SFMBT2: variants seen among roughly 807,000 people sequenced by gnomAD.
SFMBT2 encodes the protein Scm like with four mbt domains 2.
A neutral mutation model predicts 110.1 loss-of-function variants in SFMBT2; 38 were observed. That is an observed-to-expected ratio of 0.35 (90% CI 0.27 to 0.45). SFMBT2 has a LOEUF of 0.45. Ranked by LOEUF, SFMBT2 falls within the 20% of genes least tolerant of loss-of-function variation. The pLI, the probability that SFMBT2 is intolerant of heterozygous loss-of-function variation, is 1.00. For synonymous variants in SFMBT2, 425 were observed against 425.4 expected (o/e 1.00, Z 0.01); for missense variants, 1,011 against 1,094.9 (o/e 0.92, Z 1.08).
intron 4 of SFMBT2, among the ~76,000 whole-genome samples, chr10:7,315,805 C>T (rs1301380633): frequency 2.0e-5 from 3 of 152,208 alleles, no homozygotes; most frequent in Admixed American, 6.5e-5. Context: ...CTCTGATCCT[C>T]GGTTTCCACA....
At chr10:7,280,714 G>A (rs1449718502) in intron 6 of SFMBT2, among the ~76,000 whole-genome samples, 1 of 152,132 alleles carries the variant, frequency 6.6e-6, no homozygotes, top group African/African-American at 2.4e-5. Flanking sequence ...TTATCCCCAT[G>A]GTACAGGGTA....
At chr10:7,354,049 T>C (rs1022310164) in intron 4 of SFMBT2, among the ~76,000 whole-genome samples, 8 of 149,030 alleles carry the variant, frequency 5.4e-5, no homozygotes, top group Non-Finnish European at 7.4e-5. Context: ...ATCACGCTAC[T>C]GCACTCCAGC....
chr10:7,332,036 AAG>A (rs142886678), intron 4 of SFMBT2, among the ~76,000 whole-genome samples: 21,080 of 129,802 alleles, frequency 0.16, 2,614 homozygotes, highest in East Asian at 0.33. Flanking sequence ...AAAAAAAAAA[AAG>A]GAAAGGTGAA....
At chr10:7,334,760 A>G (rs1020422200) in intron 4 of SFMBT2, among the ~76,000 whole-genome samples, 15 of 152,306 alleles carry the variant, frequency 9.8e-5, no homozygotes, top group African/African-American at 3.6e-4. Context: ...CTGCAATTGT[A>G]ACTCGAGTGC....
intron 7 of SFMBT2, among the ~76,000 whole-genome samples, chr10:7,264,961 C>G (rs1841332921): frequency 6.9e-6 from 1 of 145,378 alleles, no homozygotes; most frequent in Non-Finnish European, 1.5e-5. Context: ...AAAAAACTTA[C>G]ATAAAACATG....
At chr10:7,406,488 T>C (rs1353525851) in intron 1 of SFMBT2, among the ~76,000 whole-genome samples, 1 of 148,038 alleles carries the variant, frequency 6.8e-6, no homozygotes, top group Non-Finnish European at 1.5e-5. Flanking sequence ...AAAAGCCACC[T>C]TAGCTAGAGT....
intron 10 of SFMBT2, among the ~76,000 whole-genome samples, chr10:7,222,200 T>C (rs1839763997): frequency 6.6e-6 from 1 of 152,236 alleles, no homozygotes; most frequent in African/African-American, 2.4e-5. Flanking sequence ...GCTTTCTTGC[T>C]GAGTAGTTTG....
intron 4 of SFMBT2, among the ~76,000 whole-genome samples, chr10:7,334,817 G>A (rs554115521): frequency 9.2e-5 from 14 of 152,242 alleles, no homozygotes; most frequent in South Asian, 2.1e-4. Flanking sequence ...ACCTCCCTAC[G>A]GAGCTGAGGC....
chr10:7,367,760 A>G lies in SFMBT2; in HGVS notation c.325T>C (p.Cys109Arg). Residue 109 changes from cysteine (C) to arginine (R), a missense_variant, in exon 4 of 21, where the codon TGC (cysteine) becomes CGC (arginine). By Grantham distance (180) the Cys-to-Arg change is radical. Coordinates refer to ENST00000397167, the MANE Select transcript of SFMBT2 (RefSeq NM_001387889.1). The surrounding 1 kb of genome is among the most constrained non-coding windows in gnomAD (Gnocchi z 6.2). ...TCGQLLLLRYCGYGEDRRADF... is the reference protein window; with the variant it reads ...TCGQLLLLRYRGYGEDRRADF... ...GCCCTGCGGTCCTCCCCGTAACCGC[A>G]GTAGCGCAGAAGCAGCAGCTGCCCG... The G allele has an allele frequency of 6.2e-7, 1 of 1,614,180 alleles. No individual in the cohort carries two copies.
rs1250470825 is a variant in SFMBT2, at chr10:7,214,423, A to G, written c.1330+5988T>C. ...GAGTTCAGAGAACTAACCCACCTCC[A>G]CCAACCAGTCAGATAAATGGGAAGA... On this transcript the variant is annotated intron_variant, in intron 11 of 20. Transcript: ENST00000397167. 3.9e-5 allele frequency among the ~76,000 whole-genome samples: 6 copies of G among 152,248 alleles called. No individual in the cohort carries two copies. In the South Asian group the frequency reaches 1.0e-3, roughly 26 times the overall value.
At chr10:7,323,526 G>A (rs1843269643) in intron 4 of SFMBT2, among the ~76,000 whole-genome samples, 1 of 144,726 alleles carries the variant, frequency 6.9e-6, no homozygotes, top group East Asian at 2.0e-4. Flanking sequence ...AGTTGCCATA[G>A]AAGACAAAAG....
chr10:7,382,947 C>T (rs1021360119), intron 1 of SFMBT2, among the ~76,000 whole-genome samples: 22 of 152,206 alleles, frequency 1.4e-4, no homozygotes, highest in African/African-American at 5.3e-4. Context: ...TAATCGTTAA[C>T]CATCGAGCAG....
chr10:7,241,260 G>C (rs541767912), intron 9 of SFMBT2: 1 of 856,882 alleles, frequency 1.2e-6, no homozygotes, highest in Admixed American at 6.2e-5. Context: ...CCCAGTCTCA[G>C]GTATGTCTTT....
chr10:7,358,979 G>A (rs1844621121), intron 4 of SFMBT2, among the ~76,000 whole-genome samples: 1 of 152,254 alleles, frequency 6.6e-6, no homozygotes, highest in South Asian at 2.1e-4. Flanking sequence ...TCAGAGGCTT[G>A]GATAGGAGGC....
rs542775404 is a variant in SFMBT2 at position 7,367,959 on chromosome 10, C to A, written c.196-70G>T. On this transcript the variant is annotated intron_variant, in intron 3 of 20. Transcript: ENST00000397167. This position sits in a 1 kb window ranked among gnomAD's most constrained non-coding sequence, Gnocchi z 6.2. The stretch of plus-strand genomic sequence containing the variant: ...CAATACATCCAGAAGATGACAAAAA[C>A]CACTAAAAAATATGGCACTTACAAA... 6.4e-6 allele frequency: 10 copies of A among 1,552,826 alleles called. No homozygotes were observed. In the East Asian group the frequency reaches 6.8e-5, roughly 11 times the overall value.
chr10:7,281,914 T>C (rs1023775402), intron 6 of SFMBT2, among the ~76,000 whole-genome samples: 3 of 152,190 alleles, frequency 2.0e-5, no homozygotes, highest in Admixed American at 6.5e-5. Flanking sequence ...AGAGCAATCT[T>C]GGCTCACTGC....
Position 7,163,945 on chromosome 10 carries a change from A to G in SFMBT2, c.2545-35T>C. On this transcript the variant is annotated intron_variant, in intron 20 of 20. Coordinates refer to ENST00000397167, the MANE Select transcript of SFMBT2 (RefSeq NM_001387889.1). The surrounding 1 kb of genome is among the most constrained non-coding windows in gnomAD (Gnocchi z 4.8). ...AAGAAAGGCAGGTTAGAGAAGGGGC[A>G]GTGTGCACTGGGGTACACAGATGCG... 2 of 1,603,962 alleles carry G rather than the reference A, an allele frequency of 1.2e-6. No individual in the cohort carries two copies. The highest frequency in any genetic ancestry group is 1.7e-6 in the Non-Finnish European group (2 of 1,174,780).
intron 7 of SFMBT2, among the ~76,000 whole-genome samples, chr10:7,271,251 C>CCACTG (rs1285429949): frequency 1.4e-5 from 2 of 145,348 alleles, no homozygotes; most frequent in Non-Finnish European, 3.0e-5. Context: ...TGAGATCATG[C>CCACTG]CACTGCACTC....
intron 15 of SFMBT2, among the ~76,000 whole-genome samples, chr10:7,189,801 G>C (rs1414072041): frequency 1.3e-5 from 2 of 152,222 alleles, no homozygotes; most frequent in Non-Finnish European, 2.9e-5. Context: ...AATACCGTTG[G>C]GAGAGCAAGA....
Sources: allele counts gnomAD v4.1 joint callset (sites outside exome capture counted in the v4.1 genomes callset), GRCh38; gene constraint gnomAD v4.1.1; non-coding constraint Gnocchi (gnomAD v3.1); transcripts MANE v1.5; gene names NCBI Gene and HGNC (gene_info 2026-07-23, HGNC 2026-07-21).